The following SLIT3 variants were observed in gnomAD, a reference collection of about 807,000 sequenced individuals.
SLIT3 encodes the protein slit homolog 3 protein.
A neutral mutation model predicts 184.0 loss-of-function variants in SLIT3; 68 were observed. The observed-to-expected ratio is 0.37, with a 90% CI of 0.30 to 0.45. SLIT3 has a LOEUF of 0.45. Ranked by LOEUF, SLIT3 falls within the 20% of genes least tolerant of loss-of-function variation. SLIT3 has a pLI of 1.00. For synonymous variants in SLIT3, 831 were observed against 828.6 expected, an observed-to-expected ratio of 1.00 and a Z score of -0.05; for missense variants, 1,707 against 2,026.0, an observed-to-expected ratio of 0.84 and a Z score of 3.02.
chr5:168,762,545 G>A lies in SLIT3; in HGVS notation c.1604C>T (p.Thr535Ile), dbSNP rs750504474. 1.2e-6 allele frequency: 2 copies of A among 1,613,458 alleles called. No individual in the cohort carries two copies. The highest frequency in any genetic ancestry group is 2.2e-5 in the South Asian group (2 of 91,074). ...ACGCCGAGGTTGGACTTACAGGTCG[G>A]TGACATATTCAGGGAGGTGGCTTGG... ...RIPSHLPEYV[T>I]DLRLNDNEVS... The change falls in exon 15 of 36, where the codon ACC (threonine) becomes ATC (isoleucine). Residue 535 changes from threonine (T) to isoleucine (I), a missense_variant. Coordinates refer to ENST00000519560, the MANE Select transcript of SLIT3 (RefSeq NM_003062.4).
At chr5:169,046,647 G>C (rs895816699) in intron 4 of SLIT3, among the ~76,000 whole-genome samples, 1 of 152,180 alleles carries the variant, frequency 6.6e-6, no homozygotes, top group South Asian at 2.1e-4. Flanking sequence ...CCTTTTGGGC[G>C]CTGGAGACTG....
chr5:168,926,015 T>G (rs1327259489), intron 4 of SLIT3, among the ~76,000 whole-genome samples: 2 of 152,192 alleles, frequency 1.3e-5, no homozygotes, highest in African/African-American at 4.8e-5. Flanking sequence ...CATGTTTTCA[T>G]CCACAGGGTT....
At position 168,702,137 on chromosome 5, in the gene SLIT3, C is replaced by T. The variant is rs529869356; in HGVS notation, c.2845-1458G>A. ...GGCTGGTATCTGGTTTTATCCTAAA[C>T]CATAACAACACAGGGCCCCTTTCTG... On this transcript the variant is annotated intron_variant, in intron 26 of 35. Transcript: ENST00000519560. 2.0e-4 allele frequency among the ~76,000 whole-genome samples: 30 copies of T among 152,320 alleles called. 1 individual carries two copies. In the South Asian group the frequency reaches 6.0e-3, roughly 31 times the overall value.
intron 19 of SLIT3, among the ~76,000 whole-genome samples, chr5:168,748,668 G>T (rs940529537): frequency 7.2e-5 from 11 of 152,190 alleles, no homozygotes; most frequent in Admixed American, 7.2e-4. Context: ...AGAGTAACAG[G>T]AAAGAGGTCA....
intron 4 of SLIT3, among the ~76,000 whole-genome samples, chr5:168,986,892 C>T (rs1211532399): frequency 6.6e-6 from 1 of 152,162 alleles, no homozygotes; most frequent in Admixed American, 6.5e-5. Flanking sequence ...TTTACAAAGG[C>T]TAATATTTAG....
At position 168,782,920 on chromosome 5, in the gene SLIT3, T is replaced by A. The variant is rs1032930371; in HGVS notation, c.1151+2987A>T. On this transcript the variant is annotated intron_variant, in intron 12 of 35. Coordinates refer to ENST00000519560, the MANE Select transcript of SLIT3 (RefSeq NM_003062.4). ...TAGGATTAATTATAGGGAGACATAC[T>A]AGCTATTTTCAAACATCTGAAGACA... Among the ~76,000 whole-genome samples, 20 of 152,298 alleles carry A rather than the reference T, an allele frequency of 1.3e-4. No homozygotes were observed. In the South Asian group the frequency reaches 2.7e-3, roughly 21 times the overall value.
At position 168,774,400 on chromosome 5, in the gene SLIT3, G is replaced by C. The variant is rs377006697; in HGVS notation, c.1152-22C>G. The C allele has an allele frequency of 9.4e-6, 15 of 1,598,620 alleles. No homozygotes were observed. In the African/African-American group the frequency reaches 1.9e-4, roughly 20 times the overall value. ...GAGGCTGCAAACAGAAGAGAGCCTG[G>C]TTGATTCACTAATCCTGGTAATTAC... On this transcript the variant is annotated intron_variant, in intron 12 of 35. Transcript: ENST00000519560.
At chr5:169,138,369 C>T (rs540937395) in intron 4 of SLIT3, among the ~76,000 whole-genome samples, 38 of 152,248 alleles carry the variant, frequency 2.5e-4, no homozygotes, top group African/African-American at 8.9e-4. Flanking sequence ...TCGCATGGGT[C>T]CTCCTGTGGT....
chr5:169,243,779 C>T (rs939555121), intron 3 of SLIT3, among the ~76,000 whole-genome samples: 5 of 152,216 alleles, frequency 3.3e-5, no homozygotes, highest in East Asian at 1.9e-4. Flanking sequence ...CCGGCAGAGC[C>T]GTGAGCTGTT....
intron 5 of SLIT3, among the ~76,000 whole-genome samples, chr5:168,849,315 A>G (rs10075103): frequency 0.18 from 27,311 of 152,196 alleles, 2,507 homozygotes; most frequent in East Asian, 0.25. Flanking sequence ...GTCCCTCCAG[A>G]GGCCCCAAAT....
intron 1 of SLIT3, among the ~76,000 whole-genome samples, chr5:169,264,549 C>G (rs2113620003): frequency 6.6e-6 from 1 of 152,274 alleles, no homozygotes; most frequent in South Asian, 2.1e-4. Flanking sequence ...TAATGGGTGT[C>G]TTCCTCTGTC....
At chr5:168,801,542 C>T (rs762134870) in intron 9 of SLIT3, among the ~76,000 whole-genome samples, 5 of 152,072 alleles carry the variant, frequency 3.3e-5, no homozygotes, top group Non-Finnish European at 7.4e-5. Context: ...GCAGAAGATA[C>T]GAGACACGGG....
intron 5 of SLIT3, among the ~76,000 whole-genome samples, chr5:168,866,114 G>T (rs1759291077): frequency 6.6e-6 from 1 of 152,140 alleles, no homozygotes; most frequent in Non-Finnish European, 1.5e-5. Flanking sequence ...GGATTAAACT[G>T]GCCCGGGACA....
intron 4 of SLIT3, among the ~76,000 whole-genome samples, chr5:169,155,618 T>C (rs887570093): frequency 4.6e-5 from 7 of 152,190 alleles, no homozygotes; most frequent in African/African-American, 1.7e-4. Context: ...TGCTTCTGGG[T>C]AACCTGGGGG....
intron 32 of SLIT3, among the ~76,000 whole-genome samples, chr5:168,677,640 G>A (rs1478137813): frequency 6.6e-6 from 1 of 152,120 alleles, no homozygotes; most frequent in Non-Finnish European, 1.5e-5. Context: ...GTAGAGATGG[G>A]GTTTTGCCAT....
At chr5:169,260,787 C>T (rs947254329) in intron 1 of SLIT3, among the ~76,000 whole-genome samples, 4 of 152,210 alleles carry the variant, frequency 2.6e-5, no homozygotes, top group African/African-American at 9.7e-5. Flanking sequence ...GTGCTAAATG[C>T]TGGTATATAG....
In SLIT3 at chr5:168,664,937, T is replaced by C. The variant is rs550738985; in HGVS notation, c.*1517A>G. 15 of 152,384 alleles carry C rather than the reference T, an allele frequency of 9.8e-5. No individual in the cohort carries two copies. The East Asian group carries it at 1.5e-3, about 16-fold the overall frequency. 9.4% of individuals were successfully genotyped at this position (152,384 alleles called of 1,614,324 possible). A position where few individuals can be genotyped will look rare whatever the true frequency, so the allele number is the denominator to read the frequency against. On this transcript the variant is annotated 3_prime_UTR_variant, in exon 36 of 36. Transcript: ENST00000519560. ...TGCATAAGCCCTGGTCTCCAGAATC[T>C]TTCCAGATACTGCGGAGGGAGAAGG...
chr5:169,274,062 T>G (rs3887596), intron 1 of SLIT3, among the ~76,000 whole-genome samples: 46,348 of 151,996 alleles, frequency 0.3, 7,916 homozygotes, highest in Non-Finnish European at 0.4. Context: ...CAAATGGGGT[T>G]CCCGGACCAG....
intron 9 of SLIT3, among the ~76,000 whole-genome samples, chr5:168,803,681 A>G (rs182468319): frequency 6.6e-6 from 1 of 152,278 alleles, no homozygotes; most frequent in Admixed American, 6.5e-5. Flanking sequence ...GGACTCTTTC[A>G]TCAGACTGCA....
Sources: allele counts gnomAD v4.1 joint callset (sites outside exome capture counted in the v4.1 genomes callset), GRCh38; gene constraint gnomAD v4.1.1; transcripts MANE v1.5; gene names NCBI Gene and HGNC (gene_info 2026-07-23, HGNC 2026-07-21).